Variants in ARPP19 observed in about 807,000 individuals in gnomAD.
The protein encoded by ARPP19 is cAMP regulated phosphoprotein 19, also known as cAMP-regulated phosphoprotein 19.
A neutral mutation model predicts 12.0 loss-of-function variants in ARPP19; 8 were observed. That is an observed-to-expected ratio of 0.67 (90% CI 0.39 to 1.21). The LOEUF (loss-of-function observed/expected upper bound fraction) is 1.21, where lower values mean the gene tolerates loss of function less well. Among genes scored for constraint, ARPP19 ranks in the 50% most tolerant of loss-of-function variants. ARPP19 has a pLI of 0.01. For synonymous variants in ARPP19, 47 were observed against 50.4 expected (o/e 0.93, Z 0.29); for missense variants, 102 against 136.3 (o/e 0.75, Z 1.25).
At chr15:52,566,272 C>T (rs563455575) in intron 1 of ARPP19, among the ~76,000 whole-genome samples, 3 of 152,172 alleles carry the variant, frequency 2.0e-5, no homozygotes, top group Non-Finnish European at 4.4e-5. Context: ...AATTCTTATG[C>T]CTCAGTCTCC....
chr15:52,566,133 T>C (rs1193622247), intron 1 of ARPP19, among the ~76,000 whole-genome samples: 5 of 151,884 alleles, frequency 3.3e-5, no homozygotes, highest in Non-Finnish European at 7.4e-5. Flanking sequence ...GGATTACAGG[T>C]GTGAGCCACC....
At chr15:52,561,749 C>CT (rs1169433252) in intron 1 of ARPP19, among the ~76,000 whole-genome samples, 2 of 151,126 alleles carry the variant, frequency 1.3e-5, no homozygotes, top group Non-Finnish European at 2.9e-5. Flanking sequence ...AAGCAACAGA[C>CT]TGTCCATTTA....
chr15:52,557,175 T>C lies in ARPP19; in HGVS notation c.93A>G (p.Lys31=), dbSNP rs113059902. The change falls in exon 2 of 3, where the codon AAA becomes AAG. Residue 31 remains lysine, a synonymous_variant. Coordinates refer to ENST00000249822, the MANE Select transcript of ARPP19 (RefSeq NM_006628.6). ...VTSPEKAEEA[K]LKARYPHLGQ... is the part of the protein sequence containing the mutation. ...CCAGATGAGGATATCTTGCTTTTAA[T>C]TTTGCTTCTTCTGCTTTCTCTGGAC... 603 of 1,612,624 alleles carry C rather than the reference T, an allele frequency of 3.7e-4. 3 individuals are homozygous for C. In the African/African-American group the frequency reaches 7.3e-3, roughly 20 times the overall value.
At chr15:52,565,920 TCTC>T (rs1312674970) in intron 1 of ARPP19, among the ~76,000 whole-genome samples, 3 of 152,190 alleles carry the variant, frequency 2.0e-5, no homozygotes, top group African/African-American at 7.2e-5. Context: ...AGTGGCACGA[TCTC>T]GGCTAACTGC....
rs2077917147 is a variant in ARPP19 at position 52,550,302 on chromosome 15, C to T, written c.*1632G>A. 6.6e-6 allele frequency: 1 copy of T among 152,162 alleles called. No individual in the cohort carries two copies. The highest frequency in any genetic ancestry group is 1.5e-5 in the Non-Finnish European group (1 of 68,034). The allele number at this position is 152,162 out of a possible 1,614,324, so 9.4% of individuals were successfully genotyped here. A position where few individuals can be genotyped will look rare whatever the true frequency, so the allele number is the denominator to read the frequency against. On this transcript the variant is annotated 3_prime_UTR_variant, in exon 3 of 3. Transcript: ENST00000249822. The stretch of plus-strand genomic sequence containing the variant: ...TGGTATTTTACTAAAGTGACATCTA[C>T]AGAAGCAAACATCTAAACATTTTTA...
In ARPP19 at chr15:52,547,694, T is replaced by C. The variant is rs2077890674; in HGVS notation, c.*4240A>G. On this transcript the variant is annotated 3_prime_UTR_variant, in exon 3 of 3. Transcript: ENST00000249822. The stretch of plus-strand genomic sequence containing the variant: ...CAATTTTATAAGGTGTGGTGGGGAA[T>C]TGAGAGGAGACAGATATTGGGGAAG... The C allele has an allele frequency of 6.6e-6, 1 of 152,200 alleles. No individual in the cohort carries two copies. Among genetic ancestry groups the C allele is most frequent in the Non-Finnish European group, 1.5e-5 (1 of 68,022 alleles). The allele number at this position is 152,200 out of a possible 1,614,324, so 9.4% of individuals were successfully genotyped here.
chr15:52,560,426 T>C (rs2078021827), intron 1 of ARPP19, among the ~76,000 whole-genome samples: 1 of 152,254 alleles, frequency 6.6e-6, no homozygotes, highest in Non-Finnish European at 1.5e-5. Context: ...AATGAATTTA[T>C]AACATGTCTT....
rs1343008430 is a variant in ARPP19, at chr15:52,558,433, A to G, written c.46-1211T>C. Among the ~76,000 whole-genome samples the G allele has an allele frequency of 6.6e-5, 10 of 150,968 alleles. No homozygotes were observed. In the Admixed American group the frequency reaches 6.6e-4, roughly 10 times the overall value. ...CCACTGCACTCTAGCCTGGGTGCAT[A>G]CCCAGGTCTAGCGAGAACTTGTCTC... On this transcript the variant is annotated intron_variant, in intron 1 of 2. Transcript: ENST00000249822.
chr15:52,547,142 C>T lies in ARPP19; in HGVS notation c.*4792G>A, dbSNP rs911844915. ...AAGATTACAAGTCAGTTTCTTCCTG[C>T]ATACAGTAATAGCTGAAATGTAAAG... is the stretch of plus-strand genomic sequence containing the variant. On this transcript the variant is annotated 3_prime_UTR_variant, in exon 3 of 3. Transcript: ENST00000249822. 7 of 149,236 alleles carry T rather than the reference C, an allele frequency of 4.7e-5. No individual in the cohort carries two copies. Among genetic ancestry groups the T allele is most frequent in the African/African-American group, 1.5e-4 (6 of 40,750 alleles). The allele number at this position is 149,236 out of a possible 1,614,324, so 9.2% of individuals were successfully genotyped here.
intron 1 of ARPP19, among the ~76,000 whole-genome samples, chr15:52,559,923 A>C (rs1042458937): frequency 6.6e-6 from 1 of 152,212 alleles, no homozygotes; most frequent in African/African-American, 2.4e-5. Flanking sequence ...CTTCAAATTA[A>C]GGGTGTTACT....
intron 2 of ARPP19, among the ~76,000 whole-genome samples, chr15:52,553,358 C>T (rs1487843583): frequency 2.0e-5 from 3 of 151,916 alleles, no homozygotes; most frequent in Non-Finnish European, 2.9e-5. Context: ...TTTTTAGCTG[C>T]CCTTTACCAC....
intron 1 of ARPP19, among the ~76,000 whole-genome samples, chr15:52,560,403 C>A (rs942847168): frequency 5.3e-5 from 8 of 152,150 alleles, no homozygotes; most frequent in African/African-American, 2.4e-5. Flanking sequence ...CTGCAAATGT[C>A]ATTTATATTT....
chr15:52,561,421 G>A (rs2078031372), intron 1 of ARPP19, among the ~76,000 whole-genome samples: 1 of 152,026 alleles, frequency 6.6e-6, no homozygotes, highest in Admixed American at 6.6e-5. Flanking sequence ...CTGATAACAA[G>A]TCAATATTGT....
intron 1 of ARPP19, among the ~76,000 whole-genome samples, chr15:52,565,739 C>T (rs1214113547): frequency 6.6e-6 from 1 of 152,230 alleles, no homozygotes; most frequent in Non-Finnish European, 1.5e-5. Flanking sequence ...ACTCCCTCAA[C>T]TTTTAACAAT....
chr15:52,563,705 A>C (rs918910253), intron 1 of ARPP19, among the ~76,000 whole-genome samples: 3 of 152,232 alleles, frequency 2.0e-5, no homozygotes, highest in African/African-American at 7.2e-5. Flanking sequence ...CAGCAACGTC[A>C]GCAATAAAAA....
chr15:52,560,830 C>A (rs2078025490), intron 1 of ARPP19, among the ~76,000 whole-genome samples: 1 of 152,156 alleles, frequency 6.6e-6, no homozygotes, highest in African/African-American at 2.4e-5. Flanking sequence ...AGCAGTCGCC[C>A]CTGTGAGCTC....
At chr15:52,565,494 C>G (rs1211321045) in intron 1 of ARPP19, among the ~76,000 whole-genome samples, 2 of 152,216 alleles carry the variant, frequency 1.3e-5, no homozygotes, top group Non-Finnish European at 2.9e-5. Context: ...TCTGGGGAAT[C>G]TGAATCACCA....
chr15:52,554,854 T>G (rs2077967054), intron 2 of ARPP19, among the ~76,000 whole-genome samples: 1 of 152,142 alleles, frequency 6.6e-6, no homozygotes, highest in Admixed American at 6.5e-5. Flanking sequence ...ACAGTCATAT[T>G]GTTAAAAGCC....
chr15:52,565,001 G>A (rs893786367), intron 1 of ARPP19, among the ~76,000 whole-genome samples: 2 of 151,564 alleles, frequency 1.3e-5, no homozygotes, highest in African/African-American at 4.9e-5. Context: ...CAGGGTCCCT[G>A]AGCATAAGCT....
Sources: gnomAD v4.1 joint callset for allele counts (sites outside exome capture counted in the v4.1 genomes callset) on GRCh38, gnomAD v4.1.1 for gene constraint, MANE v1.5 for transcripts, NCBI Gene and HGNC (gene_info 2026-07-23, HGNC 2026-07-21) for gene names.